TBRG4: variants seen among roughly 807,000 people sequenced by gnomAD.
TBRG4 encodes transforming growth factor beta regulator 4.
TBRG4 carries 43 observed loss-of-function variants against 65.6 expected under a neutral mutation model. That is an observed-to-expected ratio of 0.66 (90% confidence interval 0.51 to 0.85). The LOEUF is 0.85. Among genes scored for constraint, TBRG4 ranks in the 40% least tolerant of loss-of-function variants. The pLI is 0.00. For synonymous variants in TBRG4, 366 were observed against 341.4 expected (o/e 1.07, Z -0.79); for missense variants, 709 against 787.9 (o/e 0.90, Z 1.20).
chr7:45,103,183 G>A (rs557702616), intron 6 of TBRG4, 150 bp downstream of exon 6: 1 of 668,738 alleles, frequency 1.5e-6, no homozygotes, highest in Admixed American at 2.3e-5. Flanking sequence ...TAGGATGCCT[G>A]GCTCCAATCA....
At chr7:45,110,876 C>A (rs192175868) in intron 1 of TBRG4, 57 of 151,682 alleles carry the variant, frequency 3.8e-4, no homozygotes, top group African/African-American at 1.4e-3. Flanking sequence ...AGTCTAACTC[C>A]ACTTAAAGAA....
rs1468694233 is a variant in TBRG4 at position 45,103,433 on chromosome 7, T to C, written c.1076A>G (p.Asn359Ser). Residue 359 changes from asparagine to serine, a missense_variant, in exon 6 of 11, where the codon AAC becomes AGC. By Grantham distance (46) the Asn-to-Ser change is conservative. Transcript: ENST00000258770. ...GGGCAGGGTGATGTCCTGCGCTCTG[T>C]TCAGGACGTGCTGGGTGGGTCAGAA... ...LFEAFAQHVLNRAQDITLPHL... is the reference protein window; with the variant it reads ...LFEAFAQHVLSRAQDITLPHL... 6.2e-7 allele frequency: 1 copy of C among 1,613,026 alleles called. No individual in the cohort carries two copies. The highest frequency in any genetic ancestry group is 2.2e-5 in the East Asian group (1 of 44,846).
chr7:45,102,334 G>A lies in TBRG4; in HGVS notation c.1321+13C>T. 2 of 1,614,062 alleles carry A rather than the reference G, an allele frequency of 1.2e-6. No homozygotes were observed. Among genetic ancestry groups the A allele is most frequent in the Non-Finnish European group, 1.7e-6 (2 of 1,179,998 alleles). The stretch of plus-strand genomic sequence containing the variant: ...TTTCCCAGTTCCAGTAGTACTAGGG[G>A]CAGGGGGCTCACCTAGAAATTGGAT... On this transcript the variant is annotated intron_variant, in intron 7 of 10. Coordinates refer to ENST00000258770, the MANE Select transcript of TBRG4 (RefSeq NM_004749.4).
At chr7:45,102,167 C>T in intron 7 of TBRG4, 97 bp from the exon 8 acceptor site, 1 of 1,529,948 alleles carries the variant, frequency 6.5e-7, no homozygotes, top group Non-Finnish European at 8.8e-7. Context: ...CAGTCCCAGC[C>T]CAGTTTTCTG....
intron 6 of TBRG4, 109 bp from the exon 7 acceptor site, chr7:45,102,600 C>A: frequency 1.4e-6 from 2 of 1,448,588 alleles, no homozygotes; most frequent in Non-Finnish European, 1.9e-6. Flanking sequence ...TGGGATGAGG[C>A]CAGAGGAGGC....
In TBRG4 at chr7:45,101,495, C is replaced by T. The variant is rs1264059371; in HGVS notation, c.1679+8G>A. ...GCCCCCATGGCCAACAGGTCCCTGGCCACCTACCTCTTAGACCCTGGAGGT... is the reference window on the plus strand; with the variant it reads ...GCCCCCATGGCCAACAGGTCCCTGGTCACCTACCTCTTAGACCCTGGAGGT... On this transcript the variant is annotated splice_region_variant and intron_variant, in intron 9 of 10. Transcript: ENST00000258770. The T allele has an allele frequency of 3.1e-6, 5 of 1,611,572 alleles. No homozygotes were observed. Among genetic ancestry groups the T allele is most frequent in the Admixed American group, 3.3e-5 (2 of 59,748 alleles).
At chr7:45,104,952 C>A in intron 3 of TBRG4, 1 of 779,234 alleles carries the variant, frequency 1.3e-6, no homozygotes, top group South Asian at 1.3e-5. Flanking sequence ...GTAGGTGACC[C>A]AGGGCCCATG....
At position 45,109,301 on chromosome 7, in the gene TBRG4, GGA is replaced by G; in HGVS notation, c.-50-16_-50-15del. On this transcript the variant is annotated splice_polypyrimidine_tract_variant and intron_variant, in intron 1 of 10. Transcript: ENST00000258770. Reference sequence around the variant, plus strand: ...TGATTCCAAACCCTGAAGAGAAAAAGGAGAGAGAAGGGGCTACTACAGGGGCA... The same window carrying G: ...TGATTCCAAACCCTGAAGAGAAAAAGGAGAGAAGGGGCTACTACAGGGGCA... The G allele has an allele frequency of 6.6e-7, 1 of 1,510,240 alleles. No homozygotes were observed. The highest frequency in any genetic ancestry group is 8.8e-7 in the Non-Finnish European group (1 of 1,133,258). The allele number at this position is 1,510,240 out of a possible 1,614,324, so 93.6% of individuals were successfully genotyped here.
chr7:45,111,555 C>T (rs2128647614), intron 1 of TBRG4, 88 bp downstream of exon 1: 1 of 1,270,314 alleles, frequency 7.9e-7, no homozygotes, highest in Non-Finnish European at 1.0e-6. Flanking sequence ...CCAGTTCCAC[C>T]GCATCCCAGG....
At chr7:45,101,059 T>G (rs952459017) in intron 10 of TBRG4, among the ~76,000 whole-genome samples, 199 bp downstream of exon 10, 4 of 152,000 alleles carry the variant, frequency 2.6e-5, no homozygotes, top group Admixed American at 2.0e-4. Context: ...ACCCACGGGG[T>G]GAGATGCTGG....
At position 45,103,398 on chromosome 7, in the gene TBRG4, T is replaced by A. The variant is rs1364932202; in HGVS notation, c.1111A>T (p.Ser371Cys). 1 of 1,613,950 alleles carries A rather than the reference T, an allele frequency of 6.2e-7. No homozygotes were observed. Among genetic ancestry groups the A allele is most frequent in the African/African-American group, 1.3e-5 (1 of 74,934 alleles). The stretch of plus-strand genomic sequence containing the variant: ...AGACGCGCAAAAGCCAGAAGTACGC[T>A]GCACAGGTGGGGCAGGGTGATGTCC... ...AQDITLPHLCSVLLAFARLNF... is the reference protein window; with the variant it reads ...AQDITLPHLCCVLLAFARLNF... The change falls in exon 6 of 11, where the codon AGC (serine) becomes TGC (cysteine). Residue 371 changes from serine (S) to cysteine (C), a missense_variant. Coordinates refer to ENST00000258770, the MANE Select transcript of TBRG4 (RefSeq NM_004749.4).
chr7:45,101,442 AAAG>A (rs2128644046), intron 9 of TBRG4, 58 bp downstream of exon 9: 4 of 1,604,792 alleles, frequency 2.5e-6, no homozygotes, highest in East Asian at 2.2e-5. Flanking sequence ...GATGGAAAGC[AAAG>A]AATATGCAGT....
chr7:45,101,124 G>A (rs1328821204), intron 10 of TBRG4, 134 bp downstream of exon 10: 2 of 748,384 alleles, frequency 2.7e-6, no homozygotes, highest in Non-Finnish European at 4.2e-6. Context: ...TCCCTCCCTG[G>A]GCTCCTGGGA....
intron 1 of TBRG4, among the ~76,000 whole-genome samples, chr7:45,109,599 C>T (rs1374795026): frequency 6.6e-6 from 1 of 152,134 alleles, no homozygotes; most frequent in Non-Finnish European, 1.5e-5. Flanking sequence ...CCAAGGCCTC[C>T]TAAATGATGG....
intron 10 of TBRG4, among the ~76,000 whole-genome samples, chr7:45,101,033 T>C (rs1281436751): frequency 6.6e-6 from 1 of 152,198 alleles, no homozygotes; most frequent in Admixed American, 6.5e-5. Context: ...GCAGGCTTGG[T>C]TGCCTTTTTG....
Position 45,105,395 on chromosome 7 carries a change from G to C in TBRG4, c.735+46C>G, listed in dbSNP as rs373360312. ...CTGTCACCCAAAGAACAAGCCCAAA[G>C]CCCAGGGGAGGCAGGCTGGGTGCCA... On this transcript the variant is annotated intron_variant, in intron 3 of 10. Coordinates refer to ENST00000258770, the MANE Select transcript of TBRG4 (RefSeq NM_004749.4). The C allele has an allele frequency of 7.7e-6, 12 of 1,552,890 alleles. No individual in the cohort carries two copies. In the African/African-American group the frequency reaches 1.5e-4, roughly 19 times the overall value.
In TBRG4 at chr7:45,102,147, C is replaced by A. The variant is rs1045614202; in HGVS notation, c.1322-77G>T. ...GAGACCCTGATGAGAGGGCAGTGCACCCCTACACCCAGTCCCAGCCCAGTT... is the reference window on the plus strand; with the variant it reads ...GAGACCCTGATGAGAGGGCAGTGCAACCCTACACCCAGTCCCAGCCCAGTT... On this transcript the variant is annotated intron_variant, in intron 7 of 10. Transcript: ENST00000258770. 51 of 1,533,690 alleles carry A rather than the reference C, an allele frequency of 3.3e-5. 1 individual carries two copies. In the Admixed American group the frequency reaches 7.7e-4, roughly 23 times the overall value.
At chr7:45,103,543 G>A in intron 5 of TBRG4, 100 bp from the exon 6 acceptor site, 1 of 925,630 alleles carries the variant, frequency 1.1e-6, no homozygotes, top group South Asian at 1.5e-5. Flanking sequence ...GCATGGCCAG[G>A]GGCAATGGCA....
chr7:45,104,872 C>A, intron 3 of TBRG4, 163 bp from the exon 4 acceptor site: 1 of 1,130,648 alleles, frequency 8.8e-7, no homozygotes, highest in Non-Finnish European at 1.3e-6. Context: ...GGGCCTGCCT[C>A]CTCATCCACC....
Sources: allele counts gnomAD v4.1 joint callset (sites outside exome capture counted in the v4.1 genomes callset), GRCh38; gene constraint gnomAD v4.1.1; transcripts MANE v1.5; gene names NCBI Gene and HGNC (gene_info 2026-07-23, HGNC 2026-07-21).